Variants in IQSEC1 observed in about 807,000 individuals in gnomAD.
IQSEC1 encodes the protein IQ motif and Sec7 domain ArfGEF 1, also known as IQ motif and SEC7 domain-containing protein 1.
IQSEC1 carries 31 observed loss-of-function variants against 91.0 expected under a neutral mutation model. The observed-to-expected ratio is 0.34, with a 90% CI of 0.26 to 0.46. The LOEUF is 0.46. IQSEC1 is among the 20% of genes least tolerant of loss of function. IQSEC1 has a pLI of 1.00. For synonymous variants in IQSEC1, 699 were observed against 662.6 expected (o/e 1.05, Z -0.84); for missense variants, 1,388 against 1,575.6 (o/e 0.88, Z 2.02).
At chr3:13,267,656 C>A (rs978009124) in intron 1 of IQSEC1, among the ~76,000 whole-genome samples, 8 of 148,054 alleles carry the variant, frequency 5.4e-5, no homozygotes, top group African/African-American at 2.0e-4. Context: ...CTCGCTCTGT[C>A]GCCCAGGCTG....
chr3:12,914,860 G>A (rs1275799242), intron 8 of IQSEC1, among the ~76,000 whole-genome samples: 3 of 152,038 alleles, frequency 2.0e-5, no homozygotes, highest in Non-Finnish European at 2.9e-5. Context: ...CGCAGGGTCT[G>A]GGGGCTGGGC....
intron 1 of IQSEC1, among the ~76,000 whole-genome samples, chr3:13,186,454 G>T (rs1455234016): frequency 6.6e-6 from 1 of 152,218 alleles, no homozygotes; most frequent in Non-Finnish European, 1.5e-5. Context: ...AAAGAAGTCG[G>T]CTGGGAGTGG....
intron 1 of IQSEC1, among the ~76,000 whole-genome samples, chr3:13,277,106 T>TAAAA (rs4034193): frequency 3.9e-4 from 14 of 35,992 alleles, no homozygotes; most frequent in African/African-American, 8.0e-4. Context: ...TGCTCCTCCT[T>TAAAA]AAAAAAAAAA....
At chr3:13,014,049 G>A (rs1703006003) in intron 1 of IQSEC1, among the ~76,000 whole-genome samples, 1 of 152,186 alleles carries the variant, frequency 6.6e-6, no homozygotes, top group Admixed American at 6.5e-5. Context: ...TCCCCAGCTT[G>A]AGCCCTGGCG....
chr3:12,968,910 G>T (rs1700764426), intron 1 of IQSEC1, among the ~76,000 whole-genome samples: 1 of 152,196 alleles, frequency 6.6e-6, no homozygotes, highest in South Asian at 2.1e-4. Context: ...GAAGGAAGGG[G>T]GCTGAGGTGG....
At chr3:13,086,020 C>T (rs906486582) in intron 2 of IQSEC1, among the ~76,000 whole-genome samples, 5 of 152,196 alleles carry the variant, frequency 3.3e-5, no homozygotes, top group East Asian at 1.9e-4. Flanking sequence ...CTTGGGCCGC[C>T]GCAGGGCTGG....
At chr3:13,150,865 T>C (rs1706986073) in intron 2 of IQSEC1, among the ~76,000 whole-genome samples, 1 of 152,222 alleles carries the variant, frequency 6.6e-6, no homozygotes, top group Admixed American at 6.5e-5. Flanking sequence ...GAGCCCCACC[T>C]GAGAGTGGTA....
chr3:12,943,547 T>A (rs2125372556), intron 1 of IQSEC1, among the ~76,000 whole-genome samples: 1 of 152,218 alleles, frequency 6.6e-6, no homozygotes, highest in Admixed American at 6.5e-5. Flanking sequence ...CGGGCCGGGG[T>A]GGAGGTCCCA....
intron 1 of IQSEC1, among the ~76,000 whole-genome samples, chr3:12,968,997 G>A (rs1346013991): frequency 6.6e-6 from 1 of 152,176 alleles, no homozygotes; most frequent in Non-Finnish European, 1.5e-5. Flanking sequence ...AGCTGAGCAG[G>A]AGCCCAGTGC....
At chr3:13,064,586 CT>C (rs1266930315) in intron 1 of IQSEC1, among the ~76,000 whole-genome samples, 1 of 152,238 alleles carries the variant, frequency 6.6e-6, no homozygotes, top group East Asian at 1.9e-4. Flanking sequence ...AGATGCTGTC[CT>C]TGGTGATGTG....
intron 1 of IQSEC1, among the ~76,000 whole-genome samples, chr3:13,010,596 C>T (rs568213404): frequency 6.6e-5 from 10 of 152,228 alleles, no homozygotes; most frequent in African/African-American, 2.2e-4. Flanking sequence ...TTTGAGCCCC[C>T]GAATCCAACT....
chr3:13,212,866 A>AT (rs1338125538), intron 1 of IQSEC1, among the ~76,000 whole-genome samples: 1 of 152,018 alleles, frequency 6.6e-6, no homozygotes, highest in Non-Finnish European at 1.5e-5. Context: ...AAATCAGGTG[A>AT]TTTTTGTCAT....
chr3:13,195,940 A>G (rs572013668), intron 1 of IQSEC1, among the ~76,000 whole-genome samples: 1 of 152,208 alleles, frequency 6.6e-6, no homozygotes, highest in African/African-American at 2.4e-5. Context: ...AACTGGGTGG[A>G]GGGGACGTGG....
At chr3:13,150,802 T>C (rs1313456924) in intron 2 of IQSEC1, among the ~76,000 whole-genome samples, 1 of 152,184 alleles carries the variant, frequency 6.6e-6, no homozygotes, top group Non-Finnish European at 1.5e-5. Context: ...CGTGGGAAAG[T>C]GCCCTCCAAG....
intron 3 of IQSEC1, among the ~76,000 whole-genome samples, chr3:12,925,535 G>A (rs1010954495): frequency 1.2e-4 from 18 of 152,172 alleles, no homozygotes; most frequent in Non-Finnish European, 2.5e-4. Flanking sequence ...TTTCTATGCC[G>A]AGTCCTAATT....
chr3:13,090,641 G>C (rs1316387459), intron 2 of IQSEC1, among the ~76,000 whole-genome samples: 1 of 152,184 alleles, frequency 6.6e-6, no homozygotes, highest in Non-Finnish European at 1.5e-5. Context: ...TGGGCTGAGA[G>C]ACTCTACAGC....
chr3:13,176,962 C>T (rs1693742214), intron 1 of IQSEC1, among the ~76,000 whole-genome samples: 1 of 152,206 alleles, frequency 6.6e-6, no homozygotes, highest in African/African-American at 2.4e-5. Context: ...CAGGTACATA[C>T]TGCATTGATT....
intron 2 of IQSEC1, among the ~76,000 whole-genome samples, chr3:13,126,015 T>G (rs987204360): frequency 6.6e-6 from 1 of 152,236 alleles, no homozygotes; most frequent in Non-Finnish European, 1.5e-5. Context: ...AAACTTTCAT[T>G]TGTGTCCTGA....
chr3:13,278,692 G>A (rs527563600), intron 1 of IQSEC1, among the ~76,000 whole-genome samples: 4 of 152,302 alleles, frequency 2.6e-5, no homozygotes, highest in African/African-American at 7.2e-5. Flanking sequence ...GGTGGTGCAC[G>A]CCTGTAATCC....
Sources: gnomAD v4.1 joint callset for allele counts (sites outside exome capture counted in the v4.1 genomes callset) on GRCh38, gnomAD v4.1.1 for gene constraint, MANE v1.5 for transcripts, NCBI Gene and HGNC (gene_info 2026-07-23, HGNC 2026-07-21) for gene names.